The following RANBP17 variants were observed in gnomAD, a reference collection of about 807,000 sequenced individuals.
RANBP17 encodes the protein ran-binding protein 17.
RANBP17 carries 158 observed loss-of-function variants against 141.2 expected under a neutral mutation model. The ratio of observed to expected loss-of-function variants is 1.12; its 90% CI spans 0.98 to 1.28. RANBP17 has a LOEUF of 1.28. Ranked by LOEUF, RANBP17 falls within the 50% of genes most tolerant of loss-of-function variation. The pLI is 0.00. For synonymous variants in RANBP17, 430 were observed against 450.0 expected (o/e 0.96, Z 0.56); for missense variants, 1,438 against 1,290.7 (o/e 1.11, Z -1.75).
In RANBP17 at chr5:170,911,108, T is replaced by G. The variant is rs1242637542; in HGVS notation, c.734T>G (p.Val245Gly). 1.2e-6 allele frequency: 2 copies of G among 1,611,544 alleles called. No homozygotes were observed. The highest frequency in any genetic ancestry group is 4.5e-5 in the East Asian group (2 of 44,756). ...ADESADDLCT[V>G]QIPTTWRTIF... ...GAATCTGCAGATGATCTTTGCACGG[T>G]GCAGATTCCAACAACTTGGAGAACA... The change falls in exon 7 of 28, where the codon GTG becomes GGG. Residue 245 changes from valine (V) to glycine (G), a missense_variant. By Grantham distance (109) the Val-to-Gly change is moderately radical. Coordinates refer to ENST00000523189, the MANE Select transcript of RANBP17 (RefSeq NM_022897.5).
At chr5:170,966,269 A>T (rs1272825882) in intron 13 of RANBP17, among the ~76,000 whole-genome samples, 2 of 152,156 alleles carry the variant, frequency 1.3e-5, no homozygotes, top group African/African-American at 4.8e-5. Flanking sequence ...AATATCCTTG[A>T]TGAACATTGA....
At chr5:171,269,996 A>C (rs889348587) in intron 25 of RANBP17, among the ~76,000 whole-genome samples, 2 of 152,162 alleles carry the variant, frequency 1.3e-5, no homozygotes, top group Non-Finnish European at 2.9e-5. Context: ...ACCTGGTCCT[A>C]TTTTGCTGGA....
chr5:171,172,366 A>T (rs1760158354), intron 16 of RANBP17, among the ~76,000 whole-genome samples: 1 of 151,796 alleles, frequency 6.6e-6, no homozygotes, highest in Non-Finnish European at 1.5e-5. Flanking sequence ...GGATTTCAGG[A>T]TTCTTTTTAT....
intron 14 of RANBP17, among the ~76,000 whole-genome samples, chr5:171,053,218 A>C (rs1436798373): frequency 6.7e-6 from 1 of 150,108 alleles, no homozygotes; most frequent in Non-Finnish European, 1.5e-5. Context: ...CTCAACTTTT[A>C]TTTTAGGTTC....
At chr5:170,891,015 G>A (rs1241047529) in intron 3 of RANBP17, among the ~76,000 whole-genome samples, 1 of 152,122 alleles carries the variant, frequency 6.6e-6, no homozygotes, top group African/African-American at 2.4e-5. Context: ...TTTTTGTAGA[G>A]ATGGGGTTTA....
chr5:171,209,085 A>C (rs1013008757), intron 20 of RANBP17, among the ~76,000 whole-genome samples: 3 of 152,196 alleles, frequency 2.0e-5, no homozygotes, highest in African/African-American at 7.2e-5. Flanking sequence ...CAAAGATACA[A>C]ACAGGACAGT....
At chr5:171,075,372 A>G (rs1033798287) in intron 14 of RANBP17, among the ~76,000 whole-genome samples, 1 of 152,220 alleles carries the variant, frequency 6.6e-6, no homozygotes, top group East Asian at 1.9e-4. Flanking sequence ...AAGAAATGAT[A>G]AAAGTAAAGT....
intron 14 of RANBP17, among the ~76,000 whole-genome samples, chr5:170,978,465 A>G (rs1777540400): frequency 6.6e-6 from 1 of 152,154 alleles, no homozygotes; most frequent in Non-Finnish European, 1.5e-5. Context: ...CAGCAGTCAA[A>G]TGGATAAATA....
At chr5:170,867,248 C>T (rs1186599489) in intron 1 of RANBP17, 1 of 152,078 alleles carries the variant, frequency 6.6e-6, no homozygotes, top group East Asian at 1.9e-4. Flanking sequence ...GGTCTGTAGA[C>T]TTGTATTTGA....
At chr5:170,994,035 A>G (rs1778666504) in intron 14 of RANBP17, among the ~76,000 whole-genome samples, 1 of 152,038 alleles carries the variant, frequency 6.6e-6, no homozygotes, top group South Asian at 2.1e-4. Flanking sequence ...AAATTACTTA[A>G]CCATAGAAAC....
intron 20 of RANBP17, among the ~76,000 whole-genome samples, chr5:171,211,759 A>G (rs1177636602): frequency 2.6e-5 from 4 of 151,464 alleles, no homozygotes; most frequent in African/African-American, 9.7e-5. Flanking sequence ...TTAACATGGT[A>G]TGTCTGTCTA....
intron 24 of RANBP17, among the ~76,000 whole-genome samples, chr5:171,259,657 T>A (rs1766149666): frequency 6.6e-6 from 1 of 152,080 alleles, no homozygotes; most frequent in Admixed American, 6.6e-5. Context: ...AGCTCAAAAA[T>A]TTAATCACGT....
At chr5:171,144,310 G>C (rs920006153) in intron 14 of RANBP17, among the ~76,000 whole-genome samples, 1 of 151,834 alleles carries the variant, frequency 6.6e-6, no homozygotes, top group Non-Finnish European at 1.5e-5. Flanking sequence ...AGGTTACAGT[G>C]AACCAAAATC....
chr5:171,122,084 C>T (rs1756079113), intron 14 of RANBP17, among the ~76,000 whole-genome samples: 2 of 152,116 alleles, frequency 1.3e-5, no homozygotes, highest in South Asian at 4.1e-4. Context: ...TACTTTTTCC[C>T]TGCAATAGGA....
At chr5:170,979,122 A>G (rs898270102) in intron 14 of RANBP17, among the ~76,000 whole-genome samples, 1 of 152,220 alleles carries the variant, frequency 6.6e-6, no homozygotes, top group South Asian at 2.1e-4. Flanking sequence ...CATGAATTCT[A>G]CCTATGGTAA....
intron 14 of RANBP17, among the ~76,000 whole-genome samples, chr5:171,108,334 A>G (rs1463090244): frequency 2.0e-5 from 3 of 152,296 alleles, no homozygotes; most frequent in South Asian, 2.1e-4. Flanking sequence ...ATTTTACTAG[A>G]AAAAAACTCA....
At chr5:171,196,049 A>G (rs1038563251) in intron 18 of RANBP17, among the ~76,000 whole-genome samples, 6 of 152,228 alleles carry the variant, frequency 3.9e-5, no homozygotes, top group Non-Finnish European at 8.8e-5. Context: ...GAAATAGAAC[A>G]ATTTCCTTCC....
At chr5:170,901,542 T>C (rs866442966) in intron 5 of RANBP17, among the ~76,000 whole-genome samples, 1 of 152,334 alleles carries the variant, frequency 6.6e-6, no homozygotes, top group African/African-American at 2.4e-5. Flanking sequence ...TATTGTTGTA[T>C]GTGAATTTGA....
intron 14 of RANBP17, among the ~76,000 whole-genome samples, chr5:171,074,716 C>T (rs1784815743): frequency 6.6e-6 from 1 of 152,016 alleles, no homozygotes; most frequent in South Asian, 2.1e-4. Context: ...TTATTAATTG[C>T]CTATTATAAT....
Sources: allele counts gnomAD v4.1 joint callset (sites outside exome capture counted in the v4.1 genomes callset), GRCh38; gene constraint gnomAD v4.1.1; transcripts MANE v1.5; gene names NCBI Gene and HGNC (gene_info 2026-07-23, HGNC 2026-07-21).